The following CNTN5 variants were observed in gnomAD, a reference collection of about 807,000 sequenced individuals.
CNTN5 encodes the protein contactin 5, also known as contactin-5.
In CNTN5, 77 loss-of-function variants were observed where a neutral mutation model predicts 129.1. The observed-to-expected ratio is 0.60, with a 90% CI of 0.50 to 0.72. The LOEUF (loss-of-function observed/expected upper bound fraction) is 0.72, where lower values mean the gene tolerates loss of function less well. Among genes scored for constraint, CNTN5 ranks in the 30% least tolerant of loss-of-function variants. The probability of loss-of-function intolerance (pLI) is 0.00; values close to 1 mark genes in which losing one functional copy is unlikely to be tolerated. For synonymous variants in CNTN5, 509 were observed against 465.6 expected (o/e 1.09, Z -1.20); for missense variants, 1,478 against 1,328.8 (o/e 1.11, Z -1.75).
chr11:99,104,710 T>C (rs1481373236), intron 1 of CNTN5, among the ~76,000 whole-genome samples: 5 of 151,982 alleles, frequency 3.3e-5, no homozygotes, highest in African/African-American at 1.2e-4. Context: ...TTGTCAATTA[T>C]AATTTGTAAA....
chr11:100,065,253 C>A (rs2137830595), intron 10 of CNTN5, among the ~76,000 whole-genome samples: 1 of 152,198 alleles, frequency 6.6e-6, no homozygotes, highest in South Asian at 2.1e-4. Flanking sequence ...CTATCGTCTG[C>A]AATTTGATTG....
intron 2 of CNTN5, among the ~76,000 whole-genome samples, chr11:99,500,720 G>A (rs1270598336): frequency 6.6e-6 from 1 of 151,888 alleles, no homozygotes; most frequent in African/African-American, 2.4e-5. Flanking sequence ...GAATTATTTT[G>A]CATTGTTTTC....
At chr11:99,850,590 T>A (rs1947842617) in intron 6 of CNTN5, among the ~76,000 whole-genome samples, 1 of 152,190 alleles carries the variant, frequency 6.6e-6, no homozygotes, top group African/African-American at 2.4e-5. Flanking sequence ...ATTAACATAT[T>A]TAATGTTTAC....
chr11:100,247,411 G>C (rs1037853198), intron 16 of CNTN5, among the ~76,000 whole-genome samples: 1 of 152,176 alleles, frequency 6.6e-6, no homozygotes, highest in South Asian at 2.1e-4. Flanking sequence ...CTGGTATAAA[G>C]GGTTGGTTAC....
intron 13 of CNTN5, among the ~76,000 whole-genome samples, chr11:100,166,869 T>A (rs1565307047): frequency 6.6e-6 from 1 of 151,834 alleles, no homozygotes. Flanking sequence ...TTTAGAGTCA[T>A]ATGGTGTGAA....
intron 1 of CNTN5, among the ~76,000 whole-genome samples, chr11:99,262,322 A>T (rs1862670912): frequency 6.6e-6 from 1 of 152,092 alleles, no homozygotes; most frequent in Admixed American, 6.6e-5. Context: ...CAGTACTTGA[A>T]ATTAACTTTG....
At chr11:100,288,820 G>T (rs1198998160) in intron 18 of CNTN5, among the ~76,000 whole-genome samples, 1 of 152,116 alleles carries the variant, frequency 6.6e-6, no homozygotes, top group African/African-American at 2.4e-5. Context: ...GAATCCAGGA[G>T]CTGGTTTTTT....
chr11:99,738,281 G>T (rs1281482487), intron 3 of CNTN5, among the ~76,000 whole-genome samples: 1 of 152,168 alleles, frequency 6.6e-6, no homozygotes, highest in Non-Finnish European at 1.5e-5. Context: ...TGGATACTCA[G>T]ACACAGTGAG....
intron 13 of CNTN5, among the ~76,000 whole-genome samples, chr11:100,158,933 G>GA (rs1947347258): frequency 2.0e-5 from 3 of 151,818 alleles, no homozygotes; most frequent in Admixed American, 2.0e-4. Context: ...CATCAACAAT[G>GA]AAATGATAAA....
Position 100,340,445 on chromosome 11 carries a change from G to A in CNTN5, c.2731-18G>A, listed in dbSNP as rs1170939878. On this transcript the variant is annotated intron_variant, in intron 21 of 24. Coordinates refer to ENST00000524871, the MANE Select transcript of CNTN5 (RefSeq NM_014361.4). The stretch of plus-strand genomic sequence containing the variant: ...GGAAGCTTTAAAATTAACCTGCCAT[G>A]TGATAATTTGTTGATAGGTTGGTTA... 6.3e-7 allele frequency: 1 copy of A among 1,583,696 alleles called. No homozygotes were observed. Among genetic ancestry groups the A allele is most frequent in the South Asian group, 1.1e-5 (1 of 87,406 alleles).
In CNTN5 at chr11:99,220,987, C is replaced by A. The variant is rs373363379; in HGVS notation, c.-209-104359C>A. ...CTTGTCCTGAAATTTATACAATTTA[C>A]AGATACTGTAAAAGATTCAGCAAGT... On this transcript the variant is annotated intron_variant, in intron 1 of 24. Transcript: ENST00000524871. 1.2e-3 allele frequency among the ~76,000 whole-genome samples: 178 copies of A among 151,956 alleles called. 5 individuals carry two copies. The South Asian group carries it at 0.036, about 31-fold the overall frequency.
At chr11:99,346,003 ATAGT>A (rs759969187) in intron 2 of CNTN5, among the ~76,000 whole-genome samples, 5 of 152,334 alleles carry the variant, frequency 3.3e-5, no homozygotes, top group East Asian at 1.9e-4. Context: ...AAGATGAAAA[ATAGT>A]TAGCCCACAT....
intron 3 of CNTN5, among the ~76,000 whole-genome samples, chr11:99,777,366 TG>T (rs1304275168): frequency 6.6e-6 from 1 of 151,926 alleles, no homozygotes; most frequent in East Asian, 1.9e-4. Context: ...GGTTGTTTTT[TG>T]CATTTAGTTA....
Position 99,042,363 on chromosome 11 carries a change from T to C in CNTN5, c.-210+21093T>C, listed in dbSNP as rs1233810031. On this transcript the variant is annotated intron_variant, in intron 1 of 24. Transcript: ENST00000524871. ...TGCACATGTACCTCCCTTCTTCTTC[T>C]TCTTTTTTTTTTTTTTTTTTTTTTT... Among the ~76,000 whole-genome samples the C allele has an allele frequency of 5.9e-5, 8 of 134,922 alleles. No individual in the cohort carries two copies. The East Asian group carries it at 1.5e-3, about 25-fold the overall frequency. The allele number at this position is 134,922 out of a possible 152,430, so 88.5% of individuals were successfully genotyped here.
At chr11:99,480,732 C>A (rs536168336) in intron 2 of CNTN5, among the ~76,000 whole-genome samples, 22 of 151,948 alleles carry the variant, frequency 1.4e-4, no homozygotes, top group Admixed American at 7.2e-4. Flanking sequence ...GTTTTTTCTA[C>A]CTGTGAACTA....
intron 1 of CNTN5, among the ~76,000 whole-genome samples, chr11:99,315,431 A>G (rs1364856607): frequency 6.7e-6 from 1 of 149,522 alleles, no homozygotes; most frequent in Non-Finnish European, 1.5e-5. Flanking sequence ...AGCAGACTTC[A>G]GCCATTGCCA....
At chr11:99,929,675 G>A (rs536059280) in intron 7 of CNTN5, among the ~76,000 whole-genome samples, 6 of 152,268 alleles carry the variant, frequency 3.9e-5, no homozygotes, top group African/African-American at 1.4e-4. Flanking sequence ...CTGACTTCAT[G>A]AGAACAGCAT....
chr11:99,175,261 A>C (rs1273789035), intron 1 of CNTN5, among the ~76,000 whole-genome samples: 1 of 152,146 alleles, frequency 6.6e-6, no homozygotes, highest in African/African-American at 2.4e-5. Context: ...AAAAATAAAA[A>C]ATAAATAGGG....
intron 23 of CNTN5, among the ~76,000 whole-genome samples, chr11:100,343,052 C>A (rs1309793278): frequency 6.6e-6 from 1 of 151,812 alleles, no homozygotes; most frequent in East Asian, 1.9e-4. Context: ...AAACAGATAC[C>A]ATTTCTTAGT....
Sources: allele counts gnomAD v4.1 joint callset (sites outside exome capture counted in the v4.1 genomes callset), GRCh38; gene constraint gnomAD v4.1.1; transcripts MANE v1.5; gene names NCBI Gene and HGNC (gene_info 2026-07-23, HGNC 2026-07-21).